Variants in SPTBN4 observed in about 807,000 individuals in gnomAD.
SPTBN4 encodes the protein spectrin beta chain, non-erythrocytic 4.
A neutral mutation model predicts 277.8 loss-of-function variants in SPTBN4; 96 were observed. The observed-to-expected ratio is 0.35, with a 90% CI of 0.29 to 0.41. The LOEUF (loss-of-function observed/expected upper bound fraction) is 0.41, where lower values mean the gene tolerates loss of function less well. Ranked by LOEUF, SPTBN4 falls within the 10% of genes least tolerant of loss-of-function variation. The pLI, the probability that SPTBN4 is intolerant of heterozygous loss-of-function variation, is 1.00. For missense variants in SPTBN4, 3,006 were observed against 3,595.7 expected, an observed-to-expected ratio of 0.84 and a Z score of 4.19; for synonymous variants, 1,481 against 1,580.3, an observed-to-expected ratio of 0.94 and a Z score of 1.49.
chr19:40,529,198 C>T (rs1333028061), intron 18 of SPTBN4, 67 bp downstream of exon 18: 13 of 1,313,036 alleles, frequency 9.9e-6, no homozygotes, highest in South Asian at 3.6e-5. Context: ...GCTTCTCGGC[C>T]GAGGTGGGGG....
chr19:40,506,771 AATTC>A (rs1390905661), intron 13 of SPTBN4, among the ~76,000 whole-genome samples: 1 of 152,080 alleles, frequency 6.6e-6, no homozygotes, highest in Non-Finnish European at 1.5e-5. Flanking sequence ...TGAGCCCAGG[AATTC>A]AAGACCAGCC....
chr19:40,550,219 C>T lies in SPTBN4; in HGVS notation c.4585-19C>T. 1 of 1,611,914 alleles carries T rather than the reference C, an allele frequency of 6.2e-7. No homozygotes were observed. Among genetic ancestry groups the T allele is most frequent in the Non-Finnish European group, 8.5e-7 (1 of 1,178,506 alleles). ...TTGGATGCATTCTCCCCTTGACCTG[C>T]TTCCTGTGTCCTCTCCAGGCATGGG... On this transcript the variant is annotated intron_variant, in intron 21 of 35. Transcript: ENST00000598249.
In SPTBN4 at chr19:40,494,981, C is replaced by T; in HGVS notation, c.668+4C>T. On this transcript the variant is annotated splice_donor_region_variant and intron_variant, in intron 6 of 35. Coordinates refer to ENST00000598249, the MANE Select transcript of SPTBN4 (RefSeq NM_020971.3). ...ATGCCCTCATTCACCGGCACAGGTA[C>T]CACCTGGCCTGGGACAGCCCAGTCC... The T allele has an allele frequency of 6.2e-7, 1 of 1,614,052 alleles. No individual in the cohort carries two copies. Among genetic ancestry groups the T allele is most frequent in the Non-Finnish European group, 8.5e-7 (1 of 1,179,902 alleles).
At chr19:40,498,365 T>G (rs2080223791) in intron 7 of SPTBN4, among the ~76,000 whole-genome samples, 1 of 147,488 alleles carries the variant, frequency 6.8e-6, no homozygotes, top group African/African-American at 2.5e-5. Context: ...CAACCCTGTT[T>G]TATTTTATTT....
intron 27 of SPTBN4, among the ~76,000 whole-genome samples, chr19:40,564,315 C>T (rs754924486): frequency 2.0e-5 from 3 of 152,284 alleles, no homozygotes; most frequent in African/African-American, 4.8e-5. Flanking sequence ...GAGCGGAGAT[C>T]GCACCACTGC....
At chr19:40,555,504 AAAAAG>A (rs1568373014) in intron 24 of SPTBN4, among the ~76,000 whole-genome samples, 3 of 150,748 alleles carry the variant, frequency 2.0e-5, no homozygotes, top group Non-Finnish European at 3.0e-5. Flanking sequence ...AAAAAAAAAA[AAAAAG>A]AAAAGAAAAA....
At chr19:40,508,401 G>T (rs1050876113) in intron 13 of SPTBN4, among the ~76,000 whole-genome samples, 1 of 152,166 alleles carries the variant, frequency 6.6e-6, no homozygotes, top group Non-Finnish European at 1.5e-5. Flanking sequence ...AAAGTATGAT[G>T]GGGGGCTAGG....
rs780705111 is a variant in SPTBN4, at chr19:40,560,344, C to T, written c.5856C>T (p.Arg1952=). 8.7e-6 allele frequency: 14 copies of T among 1,614,016 alleles called. No individual in the cohort carries two copies. The Admixed American group carries it at 1.3e-4, about 15-fold the overall frequency. Residue 1952 remains arginine (R), a synonymous_variant, in exon 27 of 36, where the codon CGC becomes CGT. Transcript: ENST00000598249. This position sits in a 1 kb window ranked among gnomAD's most constrained non-coding sequence, Gnocchi z 5.2. ...ADALRFHSQV[R]DLLSWMDGIA... ...CCCTGCGCTTCCACAGCCAAGTCCGCGACCTGCTCTCCTGGATGGATGGCA... is the reference window on the plus strand; with the variant it reads ...CCCTGCGCTTCCACAGCCAAGTCCGTGACCTGCTCTCCTGGATGGATGGCA...
chr19:40,492,926 C>G, intron 4 of SPTBN4, 37 bp from the exon 5 acceptor site: 1 of 1,596,516 alleles, frequency 6.3e-7, no homozygotes. Flanking sequence ...GCCTCAAGCT[C>G]TCCAGGCCCT....
At chr19:40,529,263 G>C in intron 18 of SPTBN4, 132 bp downstream of exon 18, 1 of 808,030 alleles carries the variant, frequency 1.2e-6, no homozygotes, top group East Asian at 2.8e-5. Context: ...AAGCCGCCAG[G>C]GGGCGCGCGG....
chr19:40,483,064 A>C (rs2080030572), intron 2 of SPTBN4, among the ~76,000 whole-genome samples: 1 of 152,206 alleles, frequency 6.6e-6, no homozygotes, highest in Middle Eastern at 3.4e-3. Context: ...TGAGTTCCCA[A>C]AATCGATGAT....
intron 12 of SPTBN4, among the ~76,000 whole-genome samples, chr19:40,504,647 C>T (rs1339475510): frequency 2.0e-5 from 3 of 149,260 alleles, no homozygotes; most frequent in East Asian, 2.0e-4. Flanking sequence ...CCAGCCTGGG[C>T]GACAGAGCGA....
Position 40,512,990 on chromosome 19 carries a change from C to A in SPTBN4, c.2201C>A (p.Pro734Gln). Reference sequence around the variant, plus strand: ...GTTGCGGCCGGCGGTGCCGTCGGCCCGGGAGCAGACACCGTGCACCTGGTA... The same window carrying A: ...GTTGCGGCCGGCGGTGCCGTCGGCCAGGGAGCAGACACCGTGCACCTGGTA... Reference protein sequence around the residue: ...ELVAAGGAVGPGADTVHLVGL... With the variant: ...ELVAAGGAVGQGADTVHLVGL... The change falls in exon 14 of 36, where the codon CCG becomes CAG. Residue 734 changes from proline (P) to glutamine (Q), a missense_variant. This residue lies in a region of SPTBN4 where 1,759 missense variants were observed against 2,061.5 expected (regional missense o/e 0.85). Transcript: ENST00000598249. The A allele has an allele frequency of 7.0e-7, 1 of 1,420,558 alleles. No individual in the cohort carries two copies. Among genetic ancestry groups the A allele is most frequent in the Non-Finnish European group, 9.1e-7 (1 of 1,096,250 alleles). 88.0% of individuals were successfully genotyped at this position (1,420,558 alleles called of 1,614,324 possible). A position where few individuals can be genotyped will look rare whatever the true frequency, so the allele number is the denominator to read the frequency against.
chr19:40,570,956 T>G (rs1599826399), intron 33 of SPTBN4: 1 of 500,460 alleles, frequency 2.0e-6, no homozygotes, highest in Non-Finnish European at 3.5e-6. Flanking sequence ...GTGGGGGTAG[T>G]AGGTGGGGCC....
intron 7 of SPTBN4, among the ~76,000 whole-genome samples, chr19:40,499,346 T>C (rs2080238501): frequency 6.6e-6 from 1 of 152,022 alleles, no homozygotes; most frequent in Admixed American, 6.6e-5. Flanking sequence ...GGCTTACTTA[T>C]TTATTTTTTT....
intron 20 of SPTBN4, among the ~76,000 whole-genome samples, chr19:40,548,148 T>A (rs981439637): frequency 1.3e-5 from 2 of 152,244 alleles, no homozygotes; most frequent in Admixed American, 6.5e-5. Context: ...TTCTGTCTAT[T>A]CCTAAGACAC....
At chr19:40,527,009 T>C (rs979541693) in intron 17 of SPTBN4, among the ~76,000 whole-genome samples, 4 of 152,224 alleles carry the variant, frequency 2.6e-5, no homozygotes, top group African/African-American at 9.6e-5. Flanking sequence ...TTCAGAGGCA[T>C]TTTATCTTTC....
intron 17 of SPTBN4, among the ~76,000 whole-genome samples, chr19:40,527,889 C>A (rs2080611780): frequency 6.6e-6 from 1 of 151,996 alleles, no homozygotes; most frequent in Non-Finnish European, 1.5e-5. Flanking sequence ...AAACTCGTCT[C>A]TACTAAAAAT....
intron 20 of SPTBN4, among the ~76,000 whole-genome samples, chr19:40,547,429 T>C (rs1210451275): frequency 2.0e-5 from 3 of 152,204 alleles, no homozygotes; most frequent in Non-Finnish European, 4.4e-5. Context: ...CAGTCTATCA[T>C]TGATGGACAT....
Sources: gnomAD v4.1 joint callset for allele counts (sites outside exome capture counted in the v4.1 genomes callset) on GRCh38, gnomAD v4.1.1 for gene constraint, gnomAD v4.1.1 regional missense constraint, Gnocchi (gnomAD v3.1) non-coding constraint, MANE v1.5 for transcripts, NCBI Gene and HGNC (gene_info 2026-07-23, HGNC 2026-07-21) for gene names.